RASSF5: variants seen among roughly 807,000 people sequenced by gnomAD.
RASSF5 encodes ras association domain-containing protein 5.
RASSF5 carries 25 observed loss-of-function variants against 40.5 expected under a neutral mutation model. The observed-to-expected ratio is 0.62, with a 90% confidence interval of 0.45 to 0.86. The LOEUF (loss-of-function observed/expected upper bound fraction) is 0.86, where lower values mean the gene tolerates loss of function less well. RASSF5 is among the 40% of genes least tolerant of loss of function. The pLI is 0.00. For missense variants in RASSF5, 521 were observed against 572.8 expected (o/e 0.91, Z 0.92); for synonymous variants, 246 against 252.4 (o/e 0.97, Z 0.24).
chr1:206,547,808 G>T (rs935736753), intron 2 of RASSF5, among the ~76,000 whole-genome samples: 3 of 152,088 alleles, frequency 2.0e-5, no homozygotes, highest in African/African-American at 7.2e-5. Context: ...ATTTTAAAGA[G>T]ATTTAAATGA....
intron 2 of RASSF5, among the ~76,000 whole-genome samples, chr1:206,564,578 G>A (rs144793481): frequency 9.2e-5 from 14 of 152,288 alleles, no homozygotes; most frequent in African/African-American, 2.6e-4. Flanking sequence ...TCCCAGCCTA[G>A]GAGCTTGAAG....
At chr1:206,573,477 C>T (rs1316947600) in intron 2 of RASSF5, among the ~76,000 whole-genome samples, 6 of 152,180 alleles carry the variant, frequency 3.9e-5, no homozygotes, top group Admixed American at 6.5e-5. Flanking sequence ...AAGACAGGCA[C>T]GGGTGCTTCT....
intron 1 of RASSF5, among the ~76,000 whole-genome samples, chr1:206,518,838 G>A (rs782392138): frequency 2.0e-5 from 3 of 151,020 alleles, no homozygotes; most frequent in East Asian, 1.9e-4. Flanking sequence ...CCAAGCGGTC[G>A]TCTTAATCAG....
At chr1:206,508,527 C>G (rs1408929236) in intron 1 of RASSF5, among the ~76,000 whole-genome samples, 3 of 152,074 alleles carry the variant, frequency 2.0e-5, no homozygotes, top group Non-Finnish European at 4.4e-5. Context: ...CTTGTTTGTC[C>G]GCCCATGGTA....
chr1:206,520,563 C>T (rs138839408), intron 1 of RASSF5, among the ~76,000 whole-genome samples: 301 of 149,998 alleles, frequency 2.0e-3, no homozygotes, highest in African/African-American at 6.6e-3. Context: ...GCCAAAATCG[C>T]GCCACTGCAC....
In RASSF5 at chr1:206,508,020, T is replaced by TG; in HGVS notation, c.419dup (p.Cys140TrpfsTer14). On this transcript the variant is annotated frameshift_variant, in exon 1 of 6. Transcript: ENST00000579436. LOFTEE classifies it high-confidence loss of function. The stretch of plus-strand genomic sequence containing the variant: ...GGGCGGCCCCGGCTGGTGTGACCTG[T>TG]GCGGACGAGAGGTGCTGCGGCAGGC... 6.9e-7 allele frequency: 1 copy of TG among 1,455,152 alleles called. No individual in the cohort carries two copies. The highest frequency in any genetic ancestry group is 9.1e-7 in the Non-Finnish European group (1 of 1,104,308). The allele number at this position is 1,455,152 out of a possible 1,614,324, so 90.1% of individuals were successfully genotyped here.
intron 2 of RASSF5, chr1:206,542,901 C>T (rs192128350): frequency 8.5e-5 from 13 of 152,298 alleles, no homozygotes; most frequent in Non-Finnish European, 8.8e-5. Context: ...CTCAAATTTA[C>T]TCCACAAATA....
chr1:206,508,651 G>A (rs1261156154), intron 1 of RASSF5, among the ~76,000 whole-genome samples: 3 of 152,032 alleles, frequency 2.0e-5, no homozygotes, highest in Admixed American at 6.5e-5. Context: ...CCCTGAACCC[G>A]TGCCCCCTCC....
At chr1:206,586,104 G>C (rs1669100299) in intron 5 of RASSF5, 1 of 152,308 alleles carries the variant, frequency 6.6e-6, no homozygotes, top group Admixed American at 6.5e-5. Flanking sequence ...CTGTGATTGT[G>C]ATTACGCCAC....
At chr1:206,557,463 T>G in intron 2 of RASSF5, 1 of 1,535,028 alleles carries the variant, frequency 6.5e-7, no homozygotes, top group Non-Finnish European at 8.7e-7. Flanking sequence ...GGCTCAGAGC[T>G]AGGGGCTTAC....
Position 206,575,046 on chromosome 1 carries a change from A to G in RASSF5, c.580-8223A>G, listed in dbSNP as rs1293018431. Among the ~76,000 whole-genome samples the G allele has an allele frequency of 4.7e-5, 7 of 148,894 alleles. No homozygotes were observed. The East Asian group carries it at 1.4e-3, about 29-fold the overall frequency. On this transcript the variant is annotated intron_variant, in intron 2 of 5. Transcript: ENST00000579436. Reference sequence around the variant, plus strand: ...TGTTTTTGTTTTTGTTTTTTTTTTTAGAAGAGACAGGGTTTCATTATGTTG... The same window carrying G: ...TGTTTTTGTTTTTGTTTTTTTTTTTGGAAGAGACAGGGTTTCATTATGTTG...
At chr1:206,583,585 C>A (rs1453875888) in intron 3 of RASSF5, 4 of 549,292 alleles carry the variant, frequency 7.3e-6, no homozygotes, top group Non-Finnish European at 1.3e-5. Context: ...ATCTGACTCT[C>A]ATTTTTTGCT....
chr1:206,572,185 C>A (rs71633592), intron 2 of RASSF5, among the ~76,000 whole-genome samples: 23,138 of 151,958 alleles, frequency 0.15, 2,236 homozygotes, highest in Middle Eastern at 0.35. Flanking sequence ...AGGGTGCATG[C>A]GTGTTACTGC....
intron 1 of RASSF5, among the ~76,000 whole-genome samples, chr1:206,511,034 C>T (rs188935760): frequency 1.3e-5 from 2 of 152,324 alleles, no homozygotes; most frequent in East Asian, 3.9e-4. Flanking sequence ...AAAAGTTCAT[C>T]TAACCTAAGC....
At chr1:206,548,685 C>G (rs1490643167) in intron 2 of RASSF5, among the ~76,000 whole-genome samples, 1 of 152,134 alleles carries the variant, frequency 6.6e-6, no homozygotes, top group Non-Finnish European at 1.5e-5. Flanking sequence ...TTTGTTGGAT[C>G]TGTGGATTTA....
chr1:206,526,293 T>TGTGTGTGTGTGTG, intron 1 of RASSF5, among the ~76,000 whole-genome samples: 15 of 151,430 alleles, frequency 9.9e-5, no homozygotes, highest in East Asian at 5.8e-4. Flanking sequence ...TGTGTGTGTG[T>TGTGTGTGTGTGTG]TGGAGTTGGG....
At chr1:206,567,699 C>G (rs1434000087) in intron 2 of RASSF5, among the ~76,000 whole-genome samples, 4 of 152,094 alleles carry the variant, frequency 2.6e-5, no homozygotes, top group Non-Finnish European at 5.9e-5. Flanking sequence ...GGGCTCATGA[C>G]TGGGGTGTGT....
intron 2 of RASSF5, chr1:206,544,285 A>G (rs1362475578): frequency 1.3e-5 from 2 of 152,198 alleles, no homozygotes; most frequent in African/African-American, 4.8e-5. Flanking sequence ...AAGCATGAGT[A>G]TTCTAGGTGG....
rs75880687 is a variant in RASSF5 at position 206,558,539 on chromosome 1, C to T, written c.579+20246C>T. On this transcript the variant is annotated intron_variant, in intron 2 of 5. Coordinates refer to ENST00000579436, the MANE Select transcript of RASSF5 (RefSeq NM_182663.4). ...TAGACAGAAGTGAGCTGTTATATTT[C>T]GCAGGTGTGTGGCAGGCTCATCATT... is the stretch of plus-strand genomic sequence containing the variant. Among the ~76,000 whole-genome samples the T allele has an allele frequency of 3.5e-3, 528 of 152,258 alleles. 3 individuals carry two copies. The highest frequency in any genetic ancestry group is 0.012 in the African/African-American group (510 of 41,544).
Sources: gnomAD v4.1 joint callset for allele counts (sites outside exome capture counted in the v4.1 genomes callset) on GRCh38, gnomAD v4.1.1 for gene constraint, MANE v1.5 for transcripts, NCBI Gene and HGNC (gene_info 2026-07-23, HGNC 2026-07-21) for gene names.